Variants in CACNA2D1 observed in about 807,000 individuals in gnomAD.
The protein encoded by CACNA2D1 is voltage-dependent calcium channel subunit alpha-2/delta-1.
In CACNA2D1, 53 loss-of-function variants were observed where a neutral mutation model predicts 171.5. The ratio of observed to expected loss-of-function variants is 0.31; its 90% CI spans 0.25 to 0.39. The LOEUF is 0.39. Among genes scored for constraint, CACNA2D1 ranks in the 10% least tolerant of loss-of-function variants. The pLI, the probability that CACNA2D1 is intolerant of heterozygous loss-of-function variation, is 1.00. For synonymous variants in CACNA2D1, 442 were observed against 443.1 expected, an observed-to-expected ratio of 1.00 and a Z score of 0.03; for missense variants, 903 against 1,299.8, an observed-to-expected ratio of 0.69 and a Z score of 4.69.
intron 1 of CACNA2D1, among the ~76,000 whole-genome samples, chr7:82,383,000 T>C (rs1823880493): frequency 6.6e-6 from 1 of 152,212 alleles, no homozygotes; most frequent in African/African-American, 2.4e-5. Context: ...AATGGTATTG[T>C]GATTTCTTCT....
rs922844951 is a variant in CACNA2D1 at position 81,969,950 on chromosome 7, A to G, written c.2239T>C (p.Tyr747His). 2.5e-6 allele frequency: 4 copies of G among 1,608,566 alleles called. No homozygotes were observed. The highest frequency in any genetic ancestry group is 3.4e-6 in the Non-Finnish European group (4 of 1,176,052). The change falls in exon 28 of 39, where the codon TAT becomes CAT. Residue 747 changes from tyrosine to histidine, a missense_variant. Around this residue, in one of 5 missense-constraint regions of CACNA2D1, gnomAD observed 623 missense variants for 925.5 expected, o/e 0.67. Transcript: ENST00000356860. The part of the protein sequence containing the change: ...GENWQENPET[Y>H]EDSFYKRSLD... ...CTCCTTTTATAGAAGCTGTCCTCAT[A>G]TGTCTCTGGGTTTTCTTGCCAATTT...
chr7:81,989,108 A>G (rs1797268830), intron 21 of CACNA2D1, among the ~76,000 whole-genome samples: 1 of 152,212 alleles, frequency 6.6e-6, no homozygotes, highest in African/African-American at 2.4e-5. Context: ...TCCAGGCAGA[A>G]GTAATTTCAT....
chr7:82,157,005 G>C (rs2129124004), intron 4 of CACNA2D1, among the ~76,000 whole-genome samples: 1 of 152,160 alleles, frequency 6.6e-6, no homozygotes, highest in South Asian at 2.1e-4. Context: ...ATCTTCTAAA[G>C]GAATGTAAAG....
At chr7:82,061,297 C>T (rs898016599) in intron 9 of CACNA2D1, among the ~76,000 whole-genome samples, 2 of 152,148 alleles carry the variant, frequency 1.3e-5, no homozygotes, top group Non-Finnish European at 2.9e-5. Context: ...TGCATTCAGG[C>T]AAAATCCCTT....
At position 81,990,156 on chromosome 7, in the gene CACNA2D1, CTACT is replaced by C. The variant is rs200832523; in HGVS notation, c.1796+1025_1796+1028del. 1.6e-3 allele frequency among the ~76,000 whole-genome samples: 244 copies of C among 152,220 alleles called. 5 individuals carry two copies. In the East Asian group the frequency reaches 0.018, roughly 11 times the overall value. On this transcript the variant is annotated intron_variant, in intron 21 of 38. Coordinates refer to ENST00000356860, the MANE Select transcript of CACNA2D1 (RefSeq NM_000722.4). ...ATTAGAAACATCATCTATGTCAATG[CTACT>C]TAAAGTGTTTTCCATGGACCTAGCC...
chr7:82,369,252 G>C (rs1563441137), intron 1 of CACNA2D1, among the ~76,000 whole-genome samples: 1 of 151,948 alleles, frequency 6.6e-6, no homozygotes, highest in African/African-American at 2.4e-5. Flanking sequence ...TTAATACATA[G>C]TAGGAATTCA....
intron 6 of CACNA2D1, among the ~76,000 whole-genome samples, chr7:82,104,299 A>G (rs1813053940): frequency 6.6e-6 from 1 of 152,060 alleles, no homozygotes; most frequent in African/African-American, 2.4e-5. Flanking sequence ...CATTCTCATT[A>G]GACAGACTAA....
At chr7:82,116,281 T>C (rs28435283) in intron 6 of CACNA2D1, among the ~76,000 whole-genome samples, 2,399 of 151,664 alleles carry the variant, frequency 0.016, 70 homozygotes, top group African/African-American at 0.055. Context: ...TCAGACATGA[T>C]AGAGCTGTCT....
intron 3 of CACNA2D1, among the ~76,000 whole-genome samples, chr7:82,302,369 C>T (rs982627062): frequency 6.6e-6 from 1 of 151,768 alleles, no homozygotes; most frequent in Non-Finnish European, 1.5e-5. Context: ...TGTAATAAAA[C>T]GCCTTGAAAT....
chr7:82,387,427 A>G (rs573801431), intron 1 of CACNA2D1, among the ~76,000 whole-genome samples: 1 of 152,354 alleles, frequency 6.6e-6, no homozygotes, highest in African/African-American at 2.4e-5. Flanking sequence ...ATCACATATG[A>G]GTCAAAAACA....
intron 2 of CACNA2D1, among the ~76,000 whole-genome samples, chr7:82,344,685 T>C (rs1434145778): frequency 2.6e-5 from 4 of 152,158 alleles, no homozygotes; most frequent in Non-Finnish European, 4.4e-5. Context: ...TAGTGCTATA[T>C]TCTGCAGTCA....
At chr7:82,110,014 G>A (rs917123778) in intron 6 of CACNA2D1, among the ~76,000 whole-genome samples, 2 of 152,084 alleles carry the variant, frequency 1.3e-5, no homozygotes, top group Non-Finnish European at 2.9e-5. Context: ...GCGTTTGGAG[G>A]CTCAGATTTT....
chr7:82,012,336 A>C (rs933934584), intron 14 of CACNA2D1, 93 bp from the exon 15 acceptor site: 20 of 734,596 alleles, frequency 2.7e-5, no homozygotes, highest in Non-Finnish European at 4.8e-5. Context: ...TAGAGTTAAA[A>C]ATGAATATAG....
intron 3 of CACNA2D1, among the ~76,000 whole-genome samples, chr7:82,174,921 CCTTTA>C (rs1363779113): frequency 1.3e-5 from 2 of 152,108 alleles, no homozygotes; most frequent in East Asian, 3.9e-4. Flanking sequence ...TCATTCTCAA[CCTTTA>C]CTTTTTGTCA....
intron 3 of CACNA2D1, among the ~76,000 whole-genome samples, chr7:82,252,384 A>T (rs867185566): frequency 2.0e-5 from 3 of 152,272 alleles, no homozygotes; most frequent in Middle Eastern, 3.4e-3. Flanking sequence ...GAAAACTGGC[A>T]GGCCTGTCTG....
intron 3 of CACNA2D1, among the ~76,000 whole-genome samples, chr7:82,326,614 A>ATCCTC (rs1331566900): frequency 9.2e-6 from 1 of 108,566 alleles, no homozygotes; most frequent in African/African-American, 2.9e-5. Context: ...TAAAACTCCG[A>ATCCTC]AAACTTTCAC....
intron 10 of CACNA2D1, among the ~76,000 whole-genome samples, chr7:82,059,164 C>T (rs1806297068): frequency 6.6e-6 from 1 of 152,084 alleles, no homozygotes; most frequent in African/African-American, 2.4e-5. Flanking sequence ...CAAAATAACC[C>T]TTACCACAAA....
At chr7:82,250,469 C>T (rs148251923) in intron 3 of CACNA2D1, among the ~76,000 whole-genome samples, 2,160 of 152,156 alleles carry the variant, frequency 0.014, 33 homozygotes, top group Middle Eastern at 0.062. Flanking sequence ...CCTGAAATAT[C>T]CTTTTAACTT....
At chr7:82,371,061 C>T (rs532200857) in intron 1 of CACNA2D1, among the ~76,000 whole-genome samples, 10 of 152,142 alleles carry the variant, frequency 6.6e-5, no homozygotes, top group African/African-American at 1.7e-4. Flanking sequence ...AATAATAAAA[C>T]GGGTAGTGTA....
Sources: gnomAD v4.1 joint callset for allele counts (sites outside exome capture counted in the v4.1 genomes callset) on GRCh38, gnomAD v4.1.1 for gene constraint, gnomAD v4.1.1 regional missense constraint, MANE v1.5 for transcripts, NCBI Gene and HGNC (gene_info 2026-07-23, HGNC 2026-07-21) for gene names.